The following NPAS3 variants were observed in gnomAD, a reference collection of about 807,000 sequenced individuals.
NPAS3 encodes neuronal PAS domain-containing protein 3.
In NPAS3, 14 loss-of-function variants were observed where a neutral mutation model predicts 73.1. That is an observed-to-expected ratio of 0.19 (90% CI 0.13 to 0.30). NPAS3 has a LOEUF of 0.30. NPAS3 is among the 10% of genes least tolerant of loss of function. NPAS3 has a pLI of 1.00. For missense variants in NPAS3, 1,096 were observed against 1,250.0 expected (o/e 0.88, Z 1.86); for synonymous variants, 620 against 541.5 (o/e 1.14, Z -2.01).
intron 3 of NPAS3, among the ~76,000 whole-genome samples, chr14:33,268,274 A>T (rs189358956): frequency 6.6e-6 from 1 of 152,142 alleles, no homozygotes; most frequent in African/African-American, 2.4e-5. Context: ...CTCTTAATGA[A>T]TACAGACCTG....
chr14:33,546,664 G>A (rs943127657), intron 4 of NPAS3, among the ~76,000 whole-genome samples: 1 of 152,158 alleles, frequency 6.6e-6, no homozygotes, highest in Non-Finnish European at 1.5e-5. Context: ...TGATGACATA[G>A]TTATCACTAG....
intron 2 of NPAS3, among the ~76,000 whole-genome samples, chr14:33,106,786 T>C (rs1013331674): frequency 6.6e-6 from 1 of 152,182 alleles, no homozygotes; most frequent in African/African-American, 2.4e-5. Context: ...TGGTTCATAC[T>C]ATAAATTATG....
At chr14:33,441,143 T>C (rs530490691) in intron 4 of NPAS3, among the ~76,000 whole-genome samples, 142 of 152,366 alleles carry the variant, frequency 9.3e-4, no homozygotes, top group South Asian at 4.3e-3. Context: ...TGGATAGTTG[T>C]TCTTTTACTC....
chr14:33,119,103 A>AC (rs1242362275), intron 2 of NPAS3, among the ~76,000 whole-genome samples: 1 of 151,998 alleles, frequency 6.6e-6, no homozygotes, highest in African/African-American at 2.4e-5. Context: ...ATTACTATAT[A>AC]CCAGCAAAAC....
chr14:33,110,695 A>T (rs1021674983), intron 2 of NPAS3, among the ~76,000 whole-genome samples: 2 of 152,034 alleles, frequency 1.3e-5, no homozygotes, highest in Non-Finnish European at 2.9e-5. Flanking sequence ...TCAGCACAAC[A>T]TTTTTTCCTA....
intron 4 of NPAS3, among the ~76,000 whole-genome samples, chr14:33,486,510 T>C (rs1169115422): frequency 6.6e-6 from 1 of 152,198 alleles, no homozygotes; most frequent in African/African-American, 2.4e-5. Flanking sequence ...TAAGTTTTAT[T>C]GCAACTCTAG....
chr14:33,538,826 G>GT (rs1396020008), intron 4 of NPAS3, among the ~76,000 whole-genome samples: 8 of 152,056 alleles, frequency 5.3e-5, no homozygotes, highest in Non-Finnish European at 1.0e-4. Flanking sequence ...CATAATAATT[G>GT]TAAGACCCTA....
chr14:32,970,410 T>C (rs1188214191), intron 1 of NPAS3, among the ~76,000 whole-genome samples: 1 of 152,192 alleles, frequency 6.6e-6, no homozygotes, highest in African/African-American at 2.4e-5. Flanking sequence ...CTCTTACCTT[T>C]CTCAAAGAAG....
intron 2 of NPAS3, among the ~76,000 whole-genome samples, chr14:33,199,591 A>G (rs2046533676): frequency 1.3e-5 from 2 of 152,026 alleles, no homozygotes; most frequent in South Asian, 2.1e-4. Context: ...GAGAATTTAA[A>G]TATTTCTGAC....
intron 4 of NPAS3, among the ~76,000 whole-genome samples, chr14:33,379,641 T>G (rs1277705217): frequency 6.6e-6 from 1 of 152,112 alleles, no homozygotes; most frequent in Non-Finnish European, 1.5e-5. Context: ...CATCTCAGTC[T>G]CTAGAACTTT....
chr14:33,057,488 A>G (rs933061877), intron 2 of NPAS3, among the ~76,000 whole-genome samples: 2 of 152,236 alleles, frequency 1.3e-5, no homozygotes, highest in African/African-American at 2.4e-5. Context: ...CCATTCAAAT[A>G]AGTGCATATC....
At chr14:33,448,376 A>G (rs966122976) in intron 4 of NPAS3, among the ~76,000 whole-genome samples, 1 of 152,230 alleles carries the variant, frequency 6.6e-6, no homozygotes, top group African/African-American at 2.4e-5. Context: ...GTCCAAAGAT[A>G]GAATAGGAAT....
At chr14:33,304,752 T>C (rs1050492762) in intron 3 of NPAS3, among the ~76,000 whole-genome samples, 1 of 152,120 alleles carries the variant, frequency 6.6e-6, no homozygotes, top group African/African-American at 2.4e-5. Context: ...TACTCTAAAA[T>C]TTTGTGTATG....
At chr14:33,136,588 C>T (rs988725602) in intron 2 of NPAS3, among the ~76,000 whole-genome samples, 4 of 152,132 alleles carry the variant, frequency 2.6e-5, no homozygotes, top group Non-Finnish European at 5.9e-5. Flanking sequence ...GGTGGTGAAA[C>T]TCACCCCAAG....
At chr14:32,941,829 A>G (rs1451069477) in intron 1 of NPAS3, among the ~76,000 whole-genome samples, 1 of 152,190 alleles carries the variant, frequency 6.6e-6, no homozygotes, top group Non-Finnish European at 1.5e-5. Context: ...TTCAAAAGGC[A>G]ACAACCGCAA....
At chr14:33,693,447 A>G (rs570547608) in intron 6 of NPAS3, among the ~76,000 whole-genome samples, 2 of 152,142 alleles carry the variant, frequency 1.3e-5, no homozygotes, top group Non-Finnish European at 2.9e-5. Flanking sequence ...TCAGACTCAC[A>G]TCTAGAGACT....
At chr14:33,694,788 G>A (rs146584545) in intron 6 of NPAS3, among the ~76,000 whole-genome samples, 197 of 152,230 alleles carry the variant, frequency 1.3e-3, no homozygotes, top group Admixed American at 3.3e-3. Context: ...GATACTCTGC[G>A]ACAGCAAGAC....
At chr14:33,665,360 G>T (rs900902129) in intron 5 of NPAS3, among the ~76,000 whole-genome samples, 11 of 151,968 alleles carry the variant, frequency 7.2e-5, no homozygotes, top group South Asian at 4.2e-4. Flanking sequence ...CGTGTTGATG[G>T]GTGCAGCAAA....
At chr14:33,553,734 A>G (rs1011831390) in intron 4 of NPAS3, among the ~76,000 whole-genome samples, 1 of 152,166 alleles carries the variant, frequency 6.6e-6, no homozygotes. Flanking sequence ...AATATACTTG[A>G]CTTAGATTCT....
Sources: allele counts gnomAD v4.1 joint callset (sites outside exome capture counted in the v4.1 genomes callset), GRCh38; gene constraint gnomAD v4.1.1; transcripts MANE v1.5; gene names NCBI Gene and HGNC (gene_info 2026-07-23, HGNC 2026-07-21).